KIRREL3: variants seen among roughly 807,000 people sequenced by gnomAD.
KIRREL3 encodes the protein kin of IRRE-like protein 3.
KIRREL3 carries 36 observed loss-of-function variants against 89.7 expected under a neutral mutation model. The observed-to-expected ratio is 0.40, with a 90% CI of 0.31 to 0.53. The LOEUF is 0.53. Ranked by LOEUF, KIRREL3 falls within the 20% of genes least tolerant of loss-of-function variation. The pLI, the probability that KIRREL3 is intolerant of heterozygous loss-of-function variation, is 0.49. For missense variants in KIRREL3, 864 were observed against 1,056.6 expected, an observed-to-expected ratio of 0.82 and a Z score of 2.53; for synonymous variants, 445 against 441.4, an observed-to-expected ratio of 1.01 and a Z score of -0.10.
chr11:126,963,990 C>T lies in KIRREL3; in HGVS notation c.55+36465G>A, dbSNP rs1410497028. 3.3e-5 allele frequency among the ~76,000 whole-genome samples: 5 copies of T among 152,106 alleles called. No homozygotes were observed. The East Asian group carries it at 7.7e-4, about 23-fold the overall frequency. On this transcript the variant is annotated intron_variant, in intron 1 of 16. Coordinates refer to ENST00000525144, the MANE Select transcript of KIRREL3 (RefSeq NM_032531.4). ...GGGAGGTACAGAAAAAATTAGAAAG[C>T]CACTCAACTTATCCATATTACACTT...
chr11:126,939,708 G>C (rs1005325887), intron 1 of KIRREL3, among the ~76,000 whole-genome samples: 3 of 152,130 alleles, frequency 2.0e-5, no homozygotes, highest in African/African-American at 7.2e-5. Flanking sequence ...ACCCAAACTT[G>C]CCCTTGGTCC....
At chr11:126,921,354 G>A (rs1300008720) in intron 1 of KIRREL3, among the ~76,000 whole-genome samples, 1 of 152,088 alleles carries the variant, frequency 6.6e-6, no homozygotes, top group African/African-American at 2.4e-5. Context: ...ATAATTGTGT[G>A]AGCCAATTCA....
intron 1 of KIRREL3, among the ~76,000 whole-genome samples, chr11:126,681,559 G>C (rs11220581): frequency 0.28 from 42,683 of 151,816 alleles, 8,573 homozygotes; most frequent in African/African-American, 0.57. Flanking sequence ...ACTTGGGAGC[G>C]GGGGCTGTAG....
In KIRREL3 at chr11:126,739,416, A is replaced by G. The variant is rs996786659; in HGVS notation, c.56-176504T>C. On this transcript the variant is annotated intron_variant, in intron 1 of 16. Transcript: ENST00000525144. This position sits in a 1 kb window ranked among gnomAD's most constrained non-coding sequence, Gnocchi z 5.5. ...CAGATGGAGACACTGAGGCCCTGAG[A>G]CATGAAGGGATCTGGGTAAAGCAAA... Among the ~76,000 whole-genome samples the G allele has an allele frequency of 1.3e-5, 2 of 152,196 alleles. No homozygotes were observed. Among genetic ancestry groups the G allele is most frequent in the Non-Finnish European group, 2.9e-5 (2 of 68,024 alleles).
intron 1 of KIRREL3, among the ~76,000 whole-genome samples, chr11:126,756,519 C>G (rs937549640): frequency 1.3e-5 from 2 of 152,228 alleles, no homozygotes; most frequent in African/African-American, 4.8e-5. Context: ...AACAGTTGAC[C>G]AGGACCAGGA....
Position 126,677,414 on chromosome 11 carries a change from T to G in KIRREL3, c.56-114502A>C, listed in dbSNP as rs1459115226. ...CCGAATCTCCATTCTGGAGAAAGGA[T>G]GTTGGCATAGTCTGGGTGCTTTGCT... On this transcript the variant is annotated intron_variant, in intron 1 of 16. Coordinates refer to ENST00000525144, the MANE Select transcript of KIRREL3 (RefSeq NM_032531.4). The surrounding 1 kb of genome is among the most constrained non-coding windows in gnomAD (Gnocchi z 5.1). 6.6e-6 allele frequency among the ~76,000 whole-genome samples: 1 copy of G among 152,212 alleles called. No individual in the cohort carries two copies. The highest frequency in any genetic ancestry group is 1.9e-4 in the East Asian group (1 of 5,190).
rs775890311 is a variant in KIRREL3, at chr11:126,811,980, G to A, written c.55+188475C>T. On this transcript the variant is annotated intron_variant, in intron 1 of 16. Coordinates refer to ENST00000525144, the MANE Select transcript of KIRREL3 (RefSeq NM_032531.4). This position sits in a 1 kb window ranked among gnomAD's most constrained non-coding sequence, Gnocchi z 4.3. Reference sequence around the variant, plus strand: ...TGAATTCAGCCCTCCCCGTCCCCCAGCACTGGTATTGACATACTGCAGACC... The same window carrying A: ...TGAATTCAGCCCTCCCCGTCCCCCAACACTGGTATTGACATACTGCAGACC... 1.7e-4 allele frequency among the ~76,000 whole-genome samples: 26 copies of A among 152,152 alleles called. No homozygotes were observed. The highest frequency in any genetic ancestry group is 3.2e-4 in the Non-Finnish European group (22 of 68,026).
Position 126,568,886 on chromosome 11 carries a change from C to T in KIRREL3, c.56-5974G>A, listed in dbSNP as rs1459160405. On this transcript the variant is annotated intron_variant, in intron 1 of 16. Coordinates refer to ENST00000525144, the MANE Select transcript of KIRREL3 (RefSeq NM_032531.4). The surrounding 1 kb of genome is among the most constrained non-coding windows in gnomAD (Gnocchi z 4.6). ...GAGATGCAGAGAGGTGGAGTGAGCT[C>T]TCCAGGGTGATATAATGAGCTATTA... 6.6e-6 allele frequency among the ~76,000 whole-genome samples: 1 copy of T among 151,894 alleles called. No homozygotes were observed. The highest frequency in any genetic ancestry group is 2.4e-5 in the African/African-American group (1 of 41,352).
At position 126,686,642 on chromosome 11, in the gene KIRREL3, TG is replaced by T. The variant is rs1263889917; in HGVS notation, c.56-123731del. Among the ~76,000 whole-genome samples the T allele has an allele frequency of 6.6e-6, 1 of 152,124 alleles. No homozygotes were observed. Among genetic ancestry groups the T allele is most frequent in the Non-Finnish European group, 1.5e-5 (1 of 68,008 alleles). ...TGGCACAGGCTGGAGTGCAGTGGCG[TG>T]ATCTTGGCTCACTGCAACCTCGGCC... On this transcript the variant is annotated intron_variant, in intron 1 of 16. Coordinates refer to ENST00000525144, the MANE Select transcript of KIRREL3 (RefSeq NM_032531.4). The surrounding 1 kb of genome is among the most constrained non-coding windows in gnomAD (Gnocchi z 4.7).
chr11:126,835,699 T>C (rs1373632914), intron 1 of KIRREL3, among the ~76,000 whole-genome samples: 1 of 152,210 alleles, frequency 6.6e-6, no homozygotes, highest in African/African-American at 2.4e-5. Flanking sequence ...GAGATGGGTA[T>C]TGAAGTGTGG....
At chr11:126,720,638 C>T (rs1948132466) in intron 1 of KIRREL3, among the ~76,000 whole-genome samples, 1 of 152,200 alleles carries the variant, frequency 6.6e-6, no homozygotes, top group African/African-American at 2.4e-5. Flanking sequence ...CACCCAAACA[C>T]AGACACTCTT....
chr11:126,926,472 A>G (rs1219790463), intron 1 of KIRREL3, among the ~76,000 whole-genome samples: 3 of 152,130 alleles, frequency 2.0e-5, no homozygotes, highest in Admixed American at 6.5e-5. Flanking sequence ...CTGCCAAGGT[A>G]GGTCACGGCT....
chr11:126,436,663 G>T, intron 12 of KIRREL3, 148 bp downstream of exon 12: 1 of 815,780 alleles, frequency 1.2e-6, no homozygotes, highest in Non-Finnish European at 2.0e-6. Context: ...CTGCTGGCTG[G>T]CTAGGCTGTG....
intron 1 of KIRREL3, among the ~76,000 whole-genome samples, chr11:126,963,310 T>TACAC (rs10626906): frequency 0.025 from 3,672 of 146,116 alleles, 96 homozygotes; most frequent in African/African-American, 0.065. Context: ...AGAACACACA[T>TACAC]ACACACACAC....
intron 1 of KIRREL3, among the ~76,000 whole-genome samples, chr11:126,582,288 C>A (rs531165317): frequency 4.6e-5 from 7 of 152,320 alleles, no homozygotes; most frequent in Non-Finnish European, 7.4e-5. Flanking sequence ...TTGTGCATTG[C>A]AAGGATGCAC....
In KIRREL3 at chr11:126,709,078, C is replaced by T. The variant is rs972521363; in HGVS notation, c.56-146166G>A. Among the ~76,000 whole-genome samples, 1 of 152,212 alleles carries T rather than the reference C, an allele frequency of 6.6e-6. No homozygotes were observed. The highest frequency in any genetic ancestry group is 6.5e-5 in the Admixed American group (1 of 15,286). On this transcript the variant is annotated intron_variant, in intron 1 of 16. Transcript: ENST00000525144. This position sits in a 1 kb window ranked among gnomAD's most constrained non-coding sequence, Gnocchi z 4.0. ...AGCTCAGCGTATCCCTTCTGATCAA[C>T]AGAGAAGGAGAGGAGAGCCTACACT... is the stretch of plus-strand genomic sequence containing the variant.
rs1049249489 is a variant in KIRREL3 at position 126,649,530 on chromosome 11, G to A, written c.56-86618C>T. Among the ~76,000 whole-genome samples the A allele has an allele frequency of 2.6e-5, 4 of 152,188 alleles. 1 individual carries two copies. The East Asian group carries it at 7.7e-4, about 29-fold the overall frequency. ...TTGACCAAAACAAAGGGGTTACAAGGCCCATGCAAGTCTGAAATCCAGTGG... is the reference window on the plus strand; with the variant it reads ...TTGACCAAAACAAAGGGGTTACAAGACCCATGCAAGTCTGAAATCCAGTGG... On this transcript the variant is annotated intron_variant, in intron 1 of 16. Transcript: ENST00000525144.
Position 126,594,988 on chromosome 11 carries a change from G to A in KIRREL3, c.56-32076C>T, listed in dbSNP as rs1942326608. On this transcript the variant is annotated intron_variant, in intron 1 of 16. Coordinates refer to ENST00000525144, the MANE Select transcript of KIRREL3 (RefSeq NM_032531.4). This position sits in a 1 kb window ranked among gnomAD's most constrained non-coding sequence, Gnocchi z 5.0. ...CGGACCCTCAGGGGCCTTCTGGGTT[G>A]TGAGGCGTGGGGCACCCCGTCCTGA... Among the ~76,000 whole-genome samples, 1 of 152,246 alleles carries A rather than the reference G, an allele frequency of 6.6e-6. No individual in the cohort carries two copies. Among genetic ancestry groups the A allele is most frequent in the African/African-American group, 2.4e-5 (1 of 41,476 alleles).
At position 126,429,437 on chromosome 11, in the gene KIRREL3, A is replaced by C; in HGVS notation, c.1697-149T>G. 1.6e-6 allele frequency: 1 copy of C among 643,956 alleles called. No individual in the cohort carries two copies. Among genetic ancestry groups the C allele is most frequent in the Non-Finnish European group, 2.8e-6 (1 of 353,280 alleles). 39.9% of individuals were successfully genotyped at this position (643,956 alleles called of 1,614,324 possible). ...CAGCAGCTTCACCAGCCCCCCACCA[A>C]TAGAACCTCCATATGGAGATGCTGT... On this transcript the variant is annotated intron_variant, in intron 14 of 16. Coordinates refer to ENST00000525144, the MANE Select transcript of KIRREL3 (RefSeq NM_032531.4). The surrounding 1 kb of genome is among the most constrained non-coding windows in gnomAD (Gnocchi z 5.2).
Sources: gnomAD v4.1 joint callset for allele counts (sites outside exome capture counted in the v4.1 genomes callset) on GRCh38, gnomAD v4.1.1 for gene constraint, Gnocchi (gnomAD v3.1) non-coding constraint, MANE v1.5 for transcripts, NCBI Gene and HGNC (gene_info 2026-07-23, HGNC 2026-07-21) for gene names.